The following MARCHF7 variants were observed in gnomAD, a reference collection of about 807,000 sequenced individuals.
MARCHF7 encodes E3 ubiquitin-protein ligase MARCHF7.
Under a neutral mutation model 76.5 loss-of-function variants are expected in MARCHF7, and 20 were observed. The observed-to-expected ratio is 0.26, with a 90% CI of 0.18 to 0.38. MARCHF7 has a LOEUF of 0.38. Ranked by LOEUF, MARCHF7 falls within the 10% of genes least tolerant of loss-of-function variation. MARCHF7 has a pLI of 1.00. For missense variants in MARCHF7, 797 were observed against 812.9 expected (o/e 0.98, Z 0.24); for synonymous variants, 295 against 293.0 (o/e 1.01, Z -0.07).
At chr2:159,762,843 G>A in intron 9 of MARCHF7, 37 bp from the exon 10 acceptor site, 1 of 1,278,228 alleles carries the variant, frequency 7.8e-7, no homozygotes, top group Non-Finnish European at 1.1e-6. Context: ...TTCATTCTCT[G>A]TATTTTTCTT....
intron 3 of MARCHF7, among the ~76,000 whole-genome samples, chr2:159,721,906 A>G (rs10445720): frequency 6.6e-6 from 1 of 152,126 alleles, no homozygotes; most frequent in Admixed American, 6.5e-5. Flanking sequence ...AGCCCTGGTG[A>G]TAAGTTTCTT....
chr2:159,751,200 A>G (rs1705607251), intron 7 of MARCHF7, among the ~76,000 whole-genome samples: 1 of 152,224 alleles, frequency 6.6e-6, no homozygotes, highest in Admixed American at 6.5e-5. Flanking sequence ...ACAGTAGTGT[A>G]GGCAGAGAGC....
rs75755472 is a variant in MARCHF7, at chr2:159,748,057, A to G, written c.767A>G (p.Asn256Ser). The G allele has an allele frequency of 8.7e-3, 14,114 of 1,614,166 alleles. 83 individuals carry two copies. Among genetic ancestry groups the G allele is most frequent in the Non-Finnish European group, 0.011 (13,124 of 1,180,016 alleles). Reference protein sequence around the residue: ...SSRDEAPIISNSERVVSSQRP... With the variant: ...SSRDEAPIISSSERVVSSQRP... ...AGAGATGAAGCCCCAATCATAAGCA[A>G]TTCAGAAAGGGTTGTTTCATCTCAA... is the stretch of plus-strand genomic sequence containing the variant. The change falls in exon 7 of 12, where the codon AAT (asparagine) becomes AGT (serine). Residue 256 changes from asparagine to serine, a missense_variant. By Grantham distance (46) the Asn-to-Ser change is conservative (BLOSUM62 1). Coordinates refer to ENST00000409175, the MANE Select transcript of MARCHF7 (RefSeq NM_001282805.2).
chr2:159,743,749 A>AAGAG (rs772115118), intron 5 of MARCHF7, among the ~76,000 whole-genome samples: 2 of 150,304 alleles, frequency 1.3e-5, no homozygotes, highest in Admixed American at 6.6e-5. Flanking sequence ...AAAAAAAAAA[A>AAGAG]AGAGAGAATT....
chr2:159,723,165 C>T (rs193064106), intron 3 of MARCHF7, among the ~76,000 whole-genome samples: 260 of 152,244 alleles, frequency 1.7e-3, no homozygotes, highest in Admixed American at 3.1e-3. Flanking sequence ...ACTGTTTAAC[C>T]ATTAATATTC....
rs533121172 is a variant in MARCHF7 at position 159,732,474 on chromosome 2, GT to G, written c.153+3303del. Among the ~76,000 whole-genome samples, 127 of 152,204 alleles carry G rather than the reference GT, an allele frequency of 8.3e-4. No individual in the cohort carries two copies. In the Middle Eastern group the frequency reaches 0.044, roughly 53 times the overall value. On this transcript the variant is annotated intron_variant, in intron 4 of 11. Coordinates refer to ENST00000409175, the MANE Select transcript of MARCHF7 (RefSeq NM_001282805.2). ...ATTTTTAGGCTGCTTTGCTTATTTA[GT>G]TTTGATTTAGAAATTGAAACTCCTG...
At chr2:159,748,987 T>TC (rs1398149801) in intron 7 of MARCHF7, 84 bp downstream of exon 7, 21,550 of 1,218,612 alleles carry the variant, frequency 0.018, 14 homozygotes, top group Admixed American at 0.025. Context: ...TCTTTTTTTT[T>TC]TTTTTTTTTG....
chr2:159,765,631 G>A (rs967034098), intron 11 of MARCHF7, among the ~76,000 whole-genome samples: 5 of 152,046 alleles, frequency 3.3e-5, no homozygotes, highest in African/African-American at 1.2e-4. Context: ...TTTACTTTTA[G>A]AGAAAGCTCA....
intron 5 of MARCHF7, among the ~76,000 whole-genome samples, chr2:159,744,143 A>G (rs1479413148): frequency 6.6e-6 from 1 of 150,596 alleles, no homozygotes; most frequent in African/African-American, 2.4e-5. Flanking sequence ...GCCCGCCACT[A>G]CGCCCGGCTA....
Position 159,748,381 on chromosome 2 carries a change from A to G in MARCHF7, c.1091A>G (p.His364Arg). 6.2e-7 allele frequency: 1 copy of G among 1,613,956 alleles called. No individual in the cohort carries two copies. Among genetic ancestry groups the G allele is most frequent in the Non-Finnish European group, 8.5e-7 (1 of 1,180,046 alleles). Residue 364 changes from histidine to arginine, a missense_variant, in exon 7 of 12, where the codon CAT (histidine) becomes CGT (arginine). Transcript: ENST00000409175. ...GGTTTGTCATCTCTTAGCCACAATC[A>G]TAGCTCTGAGTCAGATTCAGAAAAT... ...RWGLSSLSHN[H>R]SSESDSENFN...
chr2:159,753,869 G>A (rs6746154), intron 8 of MARCHF7, among the ~76,000 whole-genome samples: 140,839 of 152,216 alleles, frequency 0.93, 65,330 homozygotes, highest in African/African-American at 0.96. Context: ...AAGACATCCA[G>A]TTCAGTAAAT....
chr2:159,718,838 T>C (rs1701312164), intron 3 of MARCHF7, among the ~76,000 whole-genome samples: 2 of 152,018 alleles, frequency 1.3e-5, no homozygotes, highest in Non-Finnish European at 2.9e-5. Context: ...AAATAGAAGG[T>C]ACAGTATAAG....
At chr2:159,733,558 A>AG (rs1354515549) in intron 4 of MARCHF7, 1 of 984,990 alleles carries the variant, frequency 1.0e-6, no homozygotes, top group Non-Finnish European at 1.2e-6. Context: ...TTAAAAAAAA[A>AG]AAAAAAAGAT....
In MARCHF7 at chr2:159,767,268, T is replaced by C. The variant is rs781164539; in HGVS notation, c.2057-16T>C. On this transcript the variant is annotated splice_polypyrimidine_tract_variant and intron_variant, in intron 11 of 11. Transcript: ENST00000409175. ...CCCTTAAAATCATTCTTGATCATCC[T>C]GTTTTCTTTCAACAGCTTCAGAGGA... The C allele has an allele frequency of 2.5e-6, 4 of 1,597,772 alleles. No homozygotes were observed. The highest frequency in any genetic ancestry group is 3.4e-6 in the Non-Finnish European group (4 of 1,166,516).
chr2:159,764,814 A>T, intron 11 of MARCHF7, 140 bp downstream of exon 11: 1 of 487,878 alleles, frequency 2.0e-6, no homozygotes, highest in Non-Finnish European at 3.6e-6. Context: ...TTGATTTGGG[A>T]AATATGGGTT....
chr2:159,740,403 T>C (rs1703992636), intron 4 of MARCHF7, among the ~76,000 whole-genome samples: 1 of 152,244 alleles, frequency 6.6e-6, no homozygotes, highest in Admixed American at 6.5e-5. Flanking sequence ...CTTTATTCCT[T>C]TTTTAAAAAT....
At chr2:159,735,574 A>AC in intron 4 of MARCHF7, among the ~76,000 whole-genome samples, 1 of 152,234 alleles carries the variant, frequency 6.6e-6, no homozygotes, top group East Asian at 1.9e-4. Context: ...ATGAGTAGAA[A>AC]CAGGTACTAT....
chr2:159,755,105 A>AT (rs1172757832), intron 8 of MARCHF7, among the ~76,000 whole-genome samples: 6 of 152,220 alleles, frequency 3.9e-5, no homozygotes, highest in Non-Finnish European at 8.8e-5. Context: ...TGGCAACCAT[A>AT]GAAATTAAAA....
intron 4 of MARCHF7, among the ~76,000 whole-genome samples, chr2:159,732,411 T>C (rs1702923864): frequency 6.6e-6 from 1 of 152,226 alleles, no homozygotes; most frequent in African/African-American, 2.4e-5. Flanking sequence ...CTTTTTTCTT[T>C]TTAATGGTAT....
Sources: gnomAD v4.1 joint callset for allele counts (sites outside exome capture counted in the v4.1 genomes callset) on GRCh38, gnomAD v4.1.1 for gene constraint, MANE v1.5 for transcripts, NCBI Gene and HGNC (gene_info 2026-07-23, HGNC 2026-07-21) for gene names.